Variants in PLCB1 observed in about 807,000 individuals in gnomAD.
The protein encoded by PLCB1 is 1-phosphatidylinositol 4,5-bisphosphate phosphodiesterase beta-1.
A neutral mutation model predicts 161.8 loss-of-function variants in PLCB1; 46 were observed. That is an observed-to-expected ratio of 0.28 (90% CI 0.22 to 0.36). The LOEUF (loss-of-function observed/expected upper bound fraction) is 0.36. Ranked by LOEUF, PLCB1 falls within the 10% of genes least tolerant of loss-of-function variation. The pLI is 1.00. For missense variants in PLCB1, 1,016 were observed against 1,472.5 expected, an observed-to-expected ratio of 0.69 and a Z score of 5.07; for synonymous variants, 517 against 503.7, an observed-to-expected ratio of 1.03 and a Z score of -0.35.
At chr20:8,239,767 T>A (rs1053362419) in intron 2 of PLCB1, among the ~76,000 whole-genome samples, 7 of 152,020 alleles carry the variant, frequency 4.6e-5, no homozygotes, top group African/African-American at 1.7e-4. Flanking sequence ...CCTTAGAATT[T>A]TGTGATAGAA....
rs186745979 is a variant in PLCB1 at position 8,466,273 on chromosome 20, A to G, written c.246+94823A>G. 7.9e-3 allele frequency among the ~76,000 whole-genome samples: 1,171 copies of G among 147,678 alleles called. 15 individuals carry two copies. Among genetic ancestry groups the G allele is most frequent in the African/African-American group, 0.027 (1,086 of 40,138 alleles). On this transcript the variant is annotated intron_variant, in intron 3 of 31. Transcript: ENST00000338037. ...CTCGCTCATAGGTGGGAATTGAACA[A>G]TGAGAACACATGGACACAGGAAGGG... is the stretch of plus-strand genomic sequence containing the variant.
At chr20:8,608,603 C>T (rs181958246) in intron 3 of PLCB1, among the ~76,000 whole-genome samples, 148 of 152,196 alleles carry the variant, frequency 9.7e-4, no homozygotes, top group Admixed American at 3.5e-3. Context: ...GATAAGGATA[C>T]TTAGATTTAT....
intron 3 of PLCB1, among the ~76,000 whole-genome samples, chr20:8,522,924 CTTAAA>C (rs1984409438): frequency 6.6e-6 from 1 of 152,064 alleles, no homozygotes; most frequent in African/African-American, 2.4e-5. Context: ...ATAAGGAAAT[CTTAAA>C]TTAAATCAAT....
intron 14 of PLCB1, 80 bp from the exon 15 acceptor site, chr20:8,722,274 T>G: frequency 1.9e-6 from 2 of 1,030,384 alleles, no homozygotes; most frequent in South Asian, 3.2e-5. Flanking sequence ...TAATTGATTT[T>G]AGGTAAAATA....
intron 3 of PLCB1, among the ~76,000 whole-genome samples, chr20:8,384,727 A>T (rs1211476430): frequency 1.3e-5 from 2 of 151,776 alleles, no homozygotes; most frequent in Admixed American, 1.3e-4. Context: ...TTTGTTGTTG[A>T]TACTGTTGTT....
intron 4 of PLCB1, among the ~76,000 whole-genome samples, chr20:8,637,760 C>T (rs1015530993): frequency 1.3e-4 from 20 of 152,284 alleles, no homozygotes; most frequent in African/African-American, 4.6e-4. Context: ...TATGGCCTAG[C>T]AGAAAATTAT....
chr20:8,670,259 T>A (rs950228631), intron 9 of PLCB1, among the ~76,000 whole-genome samples: 1 of 152,236 alleles, frequency 6.6e-6, no homozygotes, highest in African/African-American at 2.4e-5. Flanking sequence ...ATAATAAAAC[T>A]GTCTTCTGCC....
At chr20:8,680,318 A>G (rs1406365606) in intron 9 of PLCB1, among the ~76,000 whole-genome samples, 1 of 152,196 alleles carries the variant, frequency 6.6e-6, no homozygotes, top group African/African-American at 2.4e-5. Flanking sequence ...CTCTGCCCCA[A>G]GTCTTTACTA....
intron 27 of PLCB1, among the ~76,000 whole-genome samples, chr20:8,777,718 C>CAAAAAAA (rs36103446): frequency 7.4e-6 from 1 of 135,906 alleles, no homozygotes; most frequent in Non-Finnish European, 1.6e-5. Flanking sequence ...GACTCCATCT[C>CAAAAAAA]AAAAAAAAAA....
At chr20:8,803,431 ATT>A (rs11404680) in intron 31 of PLCB1, among the ~76,000 whole-genome samples, 8 of 138,356 alleles carry the variant, frequency 5.8e-5, no homozygotes, top group African/African-American at 1.6e-4. Flanking sequence ...TGGGCCTTTG[ATT>A]TTTTTTTTTT....
chr20:8,303,018 A>G (rs1468979816), intron 2 of PLCB1, among the ~76,000 whole-genome samples: 1 of 152,226 alleles, frequency 6.6e-6, no homozygotes, highest in African/African-American at 2.4e-5. Flanking sequence ...GGGATCAATG[A>G]CAAAGCTTTG....
chr20:8,804,995 C>G (rs1312558308), intron 31 of PLCB1, among the ~76,000 whole-genome samples: 2 of 46,944 alleles, frequency 4.3e-5, no homozygotes, highest in African/African-American at 7.3e-5. Context: ...GAGCAAAACT[C>G]CATCTCAAAA....
At chr20:8,526,754 G>A (rs79486530) in intron 3 of PLCB1, among the ~76,000 whole-genome samples, 1,782 of 152,122 alleles carry the variant, frequency 0.012, 48 homozygotes, top group African/African-American at 0.04. Context: ...AAAATGGCCC[G>A]GATTAGCAGT....
At chr20:8,304,582 GCCT>G (rs1203163640) in intron 2 of PLCB1, among the ~76,000 whole-genome samples, 1 of 151,652 alleles carries the variant, frequency 6.6e-6, no homozygotes, top group Non-Finnish European at 1.5e-5. Flanking sequence ...CCCCTGAGGG[GCCT>G]CTTCTGTGGA....
rs192127269 is a variant in PLCB1, at chr20:8,391,246, A to G, written c.246+19796A>G. On this transcript the variant is annotated intron_variant, in intron 3 of 31. Coordinates refer to ENST00000338037, the MANE Select transcript of PLCB1 (RefSeq NM_015192.4). ...ACCTACTGATTAAAATCTAACTTCT[A>G]TGTATTAGCTATAGAAAAATGAACT... Among the ~76,000 whole-genome samples the G allele has an allele frequency of 3.3e-4, 50 of 152,002 alleles. 1 individual carries two copies. The highest frequency in any genetic ancestry group is 1.2e-4 in the Non-Finnish European group (8 of 67,986).
chr20:8,509,781 GATA>G (rs1983800150), intron 3 of PLCB1, among the ~76,000 whole-genome samples: 4 of 145,554 alleles, frequency 2.7e-5, no homozygotes, highest in Admixed American at 6.9e-5. Flanking sequence ...TAGATAGATA[GATA>G]GCATGAAGAT....
chr20:8,403,834 C>T (rs1279779626), intron 3 of PLCB1, among the ~76,000 whole-genome samples: 1 of 152,132 alleles, frequency 6.6e-6, no homozygotes, highest in Non-Finnish European at 1.5e-5. Context: ...CACCCATGAA[C>T]ATTCAGTATC....
chr20:8,266,759 C>T (rs1261565157), intron 2 of PLCB1, among the ~76,000 whole-genome samples: 1 of 151,844 alleles, frequency 6.6e-6, no homozygotes, highest in Non-Finnish European at 1.5e-5. Context: ...TACATCTGGG[C>T]CGGGTGCAGT....
At chr20:8,203,866 C>T (rs748416541) in intron 2 of PLCB1, among the ~76,000 whole-genome samples, 1 of 152,084 alleles carries the variant, frequency 6.6e-6, no homozygotes, top group Non-Finnish European at 1.5e-5. Flanking sequence ...TACAGTCTTC[C>T]AGAATCCCCT....
Sources: gnomAD v4.1 joint callset for allele counts (sites outside exome capture counted in the v4.1 genomes callset) on GRCh38, gnomAD v4.1.1 for gene constraint, MANE v1.5 for transcripts, NCBI Gene and HGNC (gene_info 2026-07-23, HGNC 2026-07-21) for gene names.